FAM120A: variants seen among roughly 807,000 people sequenced by gnomAD.
FAM120A encodes the protein constitutive coactivator of PPAR-gamma-like protein 1.
FAM120A carries 15 observed loss-of-function variants against 109.7 expected under a neutral mutation model. The observed-to-expected ratio is 0.14, with a 90% CI of 0.09 to 0.21. The LOEUF (loss-of-function observed/expected upper bound fraction) is 0.21, where lower values mean the gene tolerates loss of function less well. Ranked by LOEUF, FAM120A falls within the 10% of genes least tolerant of loss-of-function variation. FAM120A has a pLI of 1.00. For synonymous variants in FAM120A, 493 were observed against 572.8 expected (o/e 0.86, Z 1.99); for missense variants, 899 against 1,439.3 (o/e 0.62, Z 6.07).
At chr9:93,494,416 T>C (rs1232553740) in intron 3 of FAM120A, among the ~76,000 whole-genome samples, 1 of 152,232 alleles carries the variant, frequency 6.6e-6, no homozygotes, top group East Asian at 1.9e-4. Context: ...GTCTCCATCC[T>C]GCACGTGGTT....
chr9:93,463,101 A>G (rs975701205), intron 1 of FAM120A, among the ~76,000 whole-genome samples: 1 of 152,200 alleles, frequency 6.6e-6, no homozygotes. Flanking sequence ...ACGATTTCCC[A>G]AGAGGCCACG....
chr9:93,508,188 G>A (rs770119273), intron 5 of FAM120A, among the ~76,000 whole-genome samples: 1 of 152,098 alleles, frequency 6.6e-6, no homozygotes, highest in Non-Finnish European at 1.5e-5. Context: ...GTGTAGAGCA[G>A]CCAGGCTGCT....
chr9:93,485,654 C>A (rs1404231155), intron 3 of FAM120A, among the ~76,000 whole-genome samples: 1 of 152,132 alleles, frequency 6.6e-6, no homozygotes, highest in East Asian at 1.9e-4. Flanking sequence ...CTATGTCCAG[C>A]ATCTTGGTTT....
chr9:93,511,672 G>A (rs932087846), intron 5 of FAM120A, among the ~76,000 whole-genome samples: 6 of 152,250 alleles, frequency 3.9e-5, no homozygotes, highest in South Asian at 2.1e-4. Context: ...TGCCTTGTCT[G>A]TGTTTGCAAG....
intron 1 of FAM120A, among the ~76,000 whole-genome samples, chr9:93,470,513 T>C (rs1858261995): frequency 6.6e-6 from 1 of 152,268 alleles, no homozygotes; most frequent in East Asian, 1.9e-4. Flanking sequence ...GCAATTGATA[T>C]AGACCTAGTC....
chr9:93,499,001 A>T, intron 5 of FAM120A, 115 bp downstream of exon 5: 1 of 779,444 alleles, frequency 1.3e-6, no homozygotes, highest in Non-Finnish European at 2.2e-6. Context: ...TTCTGTAGTT[A>T]TGCCAGTAAG....
At chr9:93,482,629 G>A (rs1858869557) in intron 3 of FAM120A, among the ~76,000 whole-genome samples, 1 of 152,188 alleles carries the variant, frequency 6.6e-6, no homozygotes. Context: ...AGAGAGTAGT[G>A]AGGAGGGTAG....
chr9:93,564,654 A>G lies in FAM120A; in HGVS notation c.*114A>G. 1.2e-6 allele frequency: 1 copy of G among 829,006 alleles called. No individual in the cohort carries two copies. The highest frequency in any genetic ancestry group is 2.4e-5 in the South Asian group (1 of 42,476). 51.4% of individuals were successfully genotyped at this position (829,006 alleles called of 1,614,324 possible). A position where few individuals can be genotyped will look rare whatever the true frequency, so the allele number is the denominator to read the frequency against. ...TTGTCCTTTCCGTAAGAGAAAAATG[A>G]GGACTTTGGAAATTCAGATCCCTCT... On this transcript the variant is annotated 3_prime_UTR_variant, in exon 18 of 18. Coordinates refer to ENST00000277165, the MANE Select transcript of FAM120A (RefSeq NM_014612.5).
chr9:93,512,904 T>C (rs1441551797), intron 5 of FAM120A, among the ~76,000 whole-genome samples: 1 of 152,242 alleles, frequency 6.6e-6, no homozygotes, highest in Non-Finnish European at 1.5e-5. Flanking sequence ...TATTCTTTCC[T>C]TGGAATTCTT....
chr9:93,494,110 G>A (rs1267057387), intron 3 of FAM120A, among the ~76,000 whole-genome samples: 1 of 152,198 alleles, frequency 6.6e-6, no homozygotes, highest in African/African-American at 2.4e-5. Context: ...CGGGTTCTTA[G>A]TGCAGTTCAG....
chr9:93,483,081 G>A (rs1267394912), intron 3 of FAM120A, among the ~76,000 whole-genome samples: 1 of 152,122 alleles, frequency 6.6e-6, no homozygotes, highest in South Asian at 2.1e-4. Flanking sequence ...ATTAAGTTGG[G>A]TATAAACTGT....
intron 15 of FAM120A, among the ~76,000 whole-genome samples, chr9:93,559,635 A>C (rs1327352350): frequency 6.6e-6 from 1 of 151,994 alleles, no homozygotes; most frequent in Non-Finnish European, 1.5e-5. Context: ...GCAGTGTGCT[A>C]CTCTGCTCTG....
At chr9:93,469,862 A>T (rs1858231259) in intron 1 of FAM120A, among the ~76,000 whole-genome samples, 1 of 152,184 alleles carries the variant, frequency 6.6e-6, no homozygotes, top group Admixed American at 6.5e-5. Context: ...CATTATAGCT[A>T]ACCTTCCAAC....
At chr9:93,536,976 G>A (rs1861540194) in intron 10 of FAM120A, among the ~76,000 whole-genome samples, 1 of 152,224 alleles carries the variant, frequency 6.6e-6, no homozygotes, top group Admixed American at 6.5e-5. Flanking sequence ...ACACCCAGGG[G>A]CATGCAGATT....
intron 7 of FAM120A, 143 bp downstream of exon 7, chr9:93,516,412 G>C (rs1304814521): frequency 1.9e-6 from 2 of 1,043,520 alleles, no homozygotes; most frequent in Non-Finnish European, 2.8e-6. Context: ...ACTCAGATGG[G>C]GGCTCCTTGG....
chr9:93,536,408 T>A (rs1453356462), intron 10 of FAM120A, among the ~76,000 whole-genome samples: 2 of 152,194 alleles, frequency 1.3e-5, no homozygotes, highest in African/African-American at 4.8e-5. Flanking sequence ...GAATGGAAAA[T>A]CTGTGACCTA....
At chr9:93,464,097 T>C (rs939725696) in intron 1 of FAM120A, among the ~76,000 whole-genome samples, 3 of 152,160 alleles carry the variant, frequency 2.0e-5, no homozygotes, top group Non-Finnish European at 4.4e-5. Flanking sequence ...ACAAACCTCA[T>C]TGTAGAGTGT....
chr9:93,497,757 C>T (rs553281262), intron 4 of FAM120A, among the ~76,000 whole-genome samples, 158 bp downstream of exon 4: 1 of 152,286 alleles, frequency 6.6e-6, no homozygotes, highest in South Asian at 2.1e-4. Flanking sequence ...CTGCAGGTTG[C>T]AAGGCCAGAG....
At chr9:93,516,423 A>G (rs895640287) in intron 7 of FAM120A, among the ~76,000 whole-genome samples, 154 bp downstream of exon 7, 1 of 152,148 alleles carries the variant, frequency 6.6e-6, no homozygotes, top group Admixed American at 6.5e-5. Flanking sequence ...GGCTCCTTGG[A>G]CAGAGAGGAG....
Sources: allele counts gnomAD v4.1 joint callset (sites outside exome capture counted in the v4.1 genomes callset), GRCh38; gene constraint gnomAD v4.1.1; transcripts MANE v1.5; gene names NCBI Gene and HGNC (gene_info 2026-07-23, HGNC 2026-07-21).